FGF14: variants seen among roughly 807,000 people sequenced by gnomAD.
FGF14 encodes the protein fibroblast growth factor homologous factor 4.
In FGF14, 5 loss-of-function variants were observed where a neutral mutation model predicts 25.5. The observed-to-expected ratio is 0.20, with a 90% CI of 0.10 to 0.41. FGF14 has a LOEUF of 0.41. Ranked by LOEUF, FGF14 falls within the 10% of genes least tolerant of loss-of-function variation. FGF14 has a pLI of 1.00. For missense variants in FGF14, 222 were observed against 320.1 expected (o/e 0.69, Z 2.34); for synonymous variants, 138 against 118.3 (o/e 1.17, Z -1.08).
Position 102,248,331 on chromosome 13 carries a change from T to C in FGF14, c.208+153140A>G, listed in dbSNP as rs547797536. Among the ~76,000 whole-genome samples the C allele has an allele frequency of 1.5e-3, 235 of 152,318 alleles. 1 individual carries two copies. Among genetic ancestry groups the C allele is most frequent in the African/African-American group, 5.3e-3 (221 of 41,582 alleles). On this transcript the variant is annotated intron_variant, in intron 1 of 4. Transcript: ENST00000376131. ...ATAAAGAAGTAGAAAATATTGTCCC[T>C]TTCTTTTTGACTCTTAGAAATTATT...
chr13:101,976,351 G>A (rs1228564221), intron 1 of FGF14, among the ~76,000 whole-genome samples: 1 of 151,974 alleles, frequency 6.6e-6, no homozygotes. Flanking sequence ...GCATTGATGC[G>A]CTAGCAACTT....
intron 1 of FGF14, among the ~76,000 whole-genome samples, chr13:102,154,945 T>G (rs556526675): frequency 8.6e-4 from 131 of 152,196 alleles, no homozygotes; most frequent in African/African-American, 3.0e-3. Context: ...AAAGGATCAA[T>G]TCAACAAGAA....
At chr13:102,089,700 T>G (rs973868605) in intron 1 of FGF14, among the ~76,000 whole-genome samples, 3 of 152,196 alleles carry the variant, frequency 2.0e-5, no homozygotes, top group Admixed American at 6.5e-5. Context: ...ATATTGACTT[T>G]TTGAGCACAA....
intron 3 of FGF14, among the ~76,000 whole-genome samples, chr13:101,773,254 A>G (rs760191598): frequency 8.5e-5 from 13 of 152,192 alleles, no homozygotes; most frequent in Non-Finnish European, 1.3e-4. Context: ...GAAATCCCTC[A>G]GAAATTCTCC....
intron 1 of FGF14, among the ~76,000 whole-genome samples, chr13:102,331,631 T>C (rs554518998): frequency 6.6e-5 from 10 of 152,308 alleles, no homozygotes; most frequent in Admixed American, 1.3e-4. Context: ...TTATTTCTCA[T>C]GCCATCTTTA....
At chr13:102,271,904 T>C (rs1313310423) in intron 1 of FGF14, among the ~76,000 whole-genome samples, 1 of 152,138 alleles carries the variant, frequency 6.6e-6, no homozygotes, top group African/African-American at 2.4e-5. Flanking sequence ...CTAACCTAAG[T>C]CTCTGCTTCT....
intron 3 of FGF14, among the ~76,000 whole-genome samples, chr13:101,832,591 C>A (rs1167794506): frequency 2.6e-5 from 4 of 151,718 alleles, no homozygotes; most frequent in African/African-American, 9.7e-5. Context: ...ATTTTCAACC[C>A]CAAGAATTGA....
intron 1 of FGF14, among the ~76,000 whole-genome samples, chr13:102,024,765 T>C (rs976933495): frequency 1.3e-5 from 2 of 151,918 alleles, no homozygotes; most frequent in Non-Finnish European, 2.9e-5. Flanking sequence ...TTTTTGTATA[T>C]GGTGTGAGGT....
chr13:102,128,475 C>T (rs1304940466), intron 1 of FGF14, among the ~76,000 whole-genome samples: 1 of 152,188 alleles, frequency 6.6e-6, no homozygotes, highest in African/African-American at 2.4e-5. Context: ...TGGCTCTGAA[C>T]CCACATTCTA....
intron 3 of FGF14, among the ~76,000 whole-genome samples, chr13:101,850,281 A>C (rs1191282464): frequency 0.32 from 13,755 of 42,848 alleles, 4,559 homozygotes; most frequent in South Asian, 0.48. Flanking sequence ...TAAAAATCCA[A>C]AAAAAAAAAA....
intron 1 of FGF14, among the ~76,000 whole-genome samples, chr13:101,900,022 T>G (rs567262727): frequency 6.6e-6 from 1 of 152,254 alleles, no homozygotes; most frequent in South Asian, 2.1e-4. Flanking sequence ...TCTAGAAATT[T>G]AGTAATTTTT....
intron 1 of FGF14, among the ~76,000 whole-genome samples, chr13:102,398,490 T>C (rs983162559): frequency 6.6e-6 from 1 of 152,210 alleles, no homozygotes; most frequent in African/African-American, 2.4e-5. Context: ...GAAATAAGAA[T>C]AGGTGCTTTA....
intron 3 of FGF14, among the ~76,000 whole-genome samples, chr13:101,788,892 A>ATG (rs2040024060): frequency 2.1e-5 from 1 of 47,526 alleles, no homozygotes; most frequent in East Asian, 5.8e-4. Flanking sequence ...ATATATATAT[A>ATG]TATATATATA....
intron 1 of FGF14, among the ~76,000 whole-genome samples, chr13:102,156,988 C>T (rs973113228): frequency 7.2e-5 from 11 of 152,164 alleles, no homozygotes; most frequent in Admixed American, 2.0e-4. Flanking sequence ...CTACAAACCA[C>T]TGCTGAATGA....
At chr13:101,893,509 T>TGGCA (rs2030106464) in intron 1 of FGF14, among the ~76,000 whole-genome samples, 2 of 152,012 alleles carry the variant, frequency 1.3e-5, no homozygotes, top group East Asian at 3.9e-4. Flanking sequence ...CAAGATTAAG[T>TGGCA]TAGGGACTGT....
intron 1 of FGF14, among the ~76,000 whole-genome samples, chr13:102,033,207 C>T (rs2041298165): frequency 6.6e-6 from 1 of 152,086 alleles, no homozygotes; most frequent in Non-Finnish European, 1.5e-5. Flanking sequence ...ATTTCCAGAA[C>T]ATTTTGAATC....
At chr13:102,053,560 G>T (rs1421581669) in intron 1 of FGF14, among the ~76,000 whole-genome samples, 6 of 152,074 alleles carry the variant, frequency 3.9e-5, no homozygotes, top group African/African-American at 1.4e-4. Flanking sequence ...GAAAATGTAT[G>T]GGGTATAGTA....
chr13:101,875,866 G>A (rs946152604), intron 1 of FGF14, among the ~76,000 whole-genome samples: 2 of 152,138 alleles, frequency 1.3e-5, no homozygotes, highest in African/African-American at 4.8e-5. Context: ...TTACTTCCAT[G>A]GAAGTATCTG....
chr13:102,292,994 CAA>C (rs1337782831), intron 1 of FGF14: 3 of 152,246 alleles, frequency 2.0e-5, no homozygotes, highest in African/African-American at 7.2e-5. Flanking sequence ...GCCCTTTCCT[CAA>C]AGTCTCTCCA....
Sources: gnomAD v4.1 joint callset for allele counts (sites outside exome capture counted in the v4.1 genomes callset) on GRCh38, gnomAD v4.1.1 for gene constraint, MANE v1.5 for transcripts, NCBI Gene and HGNC (gene_info 2026-07-23, HGNC 2026-07-21) for gene names.